MAML3: variants seen among roughly 807,000 people sequenced by gnomAD.
MAML3 encodes the protein mastermind-like protein 3.
MAML3 carries 27 observed loss-of-function variants against 101.9 expected under a neutral mutation model. The ratio of observed to expected loss-of-function variants is 0.27; its 90% CI spans 0.20 to 0.37. MAML3 has a LOEUF of 0.37. Among genes scored for constraint, MAML3 ranks in the 10% least tolerant of loss-of-function variants. The pLI is 1.00. For synonymous variants in MAML3, 501 were observed against 555.9 expected (o/e 0.90, Z 1.39); for missense variants, 1,316 against 1,444.9 (o/e 0.91, Z 1.45).
chr4:140,016,539 A>G (rs1222579019), intron 1 of MAML3, among the ~76,000 whole-genome samples: 1 of 152,252 alleles, frequency 6.6e-6, no homozygotes, highest in Non-Finnish European at 1.5e-5. Context: ...TTACTACTGT[A>G]TATAGTTATG....
At chr4:139,756,950 A>ATG (rs1729666467) in intron 2 of MAML3, among the ~76,000 whole-genome samples, 4 of 151,828 alleles carry the variant, frequency 2.6e-5, no homozygotes, top group Non-Finnish European at 5.9e-5. Flanking sequence ...TTGGAAGCGC[A>ATG]TTATCACAGC....
intron 2 of MAML3, among the ~76,000 whole-genome samples, chr4:139,782,661 G>GCAAA (rs1199789613): frequency 2.6e-5 from 4 of 151,938 alleles, no homozygotes; most frequent in African/African-American, 9.7e-5. Context: ...GTAATGAATG[G>GCAAA]CAAAGTTCAG....
At chr4:140,117,885 T>A (rs1728541073) in intron 1 of MAML3, among the ~76,000 whole-genome samples, 1 of 152,128 alleles carries the variant, frequency 6.6e-6, no homozygotes, top group South Asian at 2.1e-4. Flanking sequence ...TAGTTCAGAT[T>A]AAGAAGGAAA....
At chr4:139,988,679 T>C (rs1734604215) in intron 1 of MAML3, among the ~76,000 whole-genome samples, 1 of 152,144 alleles carries the variant, frequency 6.6e-6, no homozygotes, top group African/African-American at 2.4e-5. Flanking sequence ...AGTAGAAATA[T>C]TTGCATCTTG....
chr4:139,987,736 G>A (rs1368110698), intron 1 of MAML3, among the ~76,000 whole-genome samples: 2 of 152,100 alleles, frequency 1.3e-5, no homozygotes, highest in Non-Finnish European at 2.9e-5. Context: ...ACAGTGGACT[G>A]TGGCTGGGCC....
At chr4:139,732,865 AAATT>A (rs1417643309) in intron 2 of MAML3, among the ~76,000 whole-genome samples, 2 of 152,184 alleles carry the variant, frequency 1.3e-5, no homozygotes, top group Non-Finnish European at 2.9e-5. Context: ...GCTGTAGCTG[AAATT>A]AATAAAATGT....
In MAML3 at chr4:139,891,044, C is replaced by A. The variant is rs150228362; in HGVS notation, c.469-77G>T. ...TCTTTAAGGATTGAGATGTGCATTG[C>A]GATGAACTAACTTTTAAGTGGTTTA... is the stretch of plus-strand genomic sequence containing the variant. On this transcript the variant is annotated intron_variant, in intron 1 of 4. Transcript: ENST00000509479. The A allele has an allele frequency of 1.0e-3, 1,518 of 1,475,816 alleles. 16 individuals are homozygous for A. The African/African-American group carries it at 0.017, about 16-fold the overall frequency. 91.4% of individuals were successfully genotyped at this position (1,475,816 alleles called of 1,614,324 possible). A position where few individuals can be genotyped will look rare whatever the true frequency, so the allele number is the denominator to read the frequency against.
chr4:140,067,760 A>G (rs1727565803), intron 1 of MAML3, among the ~76,000 whole-genome samples: 1 of 131,008 alleles, frequency 7.6e-6, no homozygotes. Context: ...ATGGAGCTTC[A>G]CTCCTGTTGC....
chr4:139,905,683 G>A (rs1303503324), intron 1 of MAML3, among the ~76,000 whole-genome samples: 1 of 152,042 alleles, frequency 6.6e-6, no homozygotes, highest in Non-Finnish European at 1.5e-5. Flanking sequence ...TGCAGGGTTG[G>A]TTTCTCCTGT....
chr4:140,074,504 A>C (rs1727734357), intron 1 of MAML3, among the ~76,000 whole-genome samples: 1 of 152,190 alleles, frequency 6.6e-6, no homozygotes, highest in Non-Finnish European at 1.5e-5. Flanking sequence ...TGTGAGTGCC[A>C]ACATGATGCC....
rs535763807 is a variant in MAML3 at position 139,967,916 on chromosome 4, G to A, written c.469-76949C>T. Among the ~76,000 whole-genome samples, 21 of 150,366 alleles carry A rather than the reference G, an allele frequency of 1.4e-4. 1 individual carries two copies. In the South Asian group the frequency reaches 4.0e-3, roughly 29 times the overall value. On this transcript the variant is annotated intron_variant, in intron 1 of 4. Coordinates refer to ENST00000509479, the MANE Select transcript of MAML3 (RefSeq NM_018717.5). Reference sequence around the variant, plus strand: ...CCACATGACTTTCAAGTCACGTTAGGGCATCTGTCCTTCCTCAAGAATCTG... The same window carrying A: ...CCACATGACTTTCAAGTCACGTTAGAGCATCTGTCCTTCCTCAAGAATCTG...
At chr4:139,826,612 A>ACTAT (rs1731065048) in intron 2 of MAML3, among the ~76,000 whole-genome samples, 1 of 152,118 alleles carries the variant, frequency 6.6e-6, no homozygotes, top group African/African-American at 2.4e-5. Flanking sequence ...CCCTCAGACA[A>ACTAT]CTATCTGCAT....
intron 2 of MAML3, among the ~76,000 whole-genome samples, chr4:139,822,232 C>CACG (rs1356241599): frequency 7.4e-6 from 1 of 135,732 alleles, no homozygotes; most frequent in African/African-American, 3.0e-5. Context: ...CCATCACCAC[C>CACG]ACCACCACCA....
chr4:139,999,859 T>A (rs1734888003), intron 1 of MAML3, among the ~76,000 whole-genome samples: 1 of 152,220 alleles, frequency 6.6e-6, no homozygotes, highest in Non-Finnish European at 1.5e-5. Flanking sequence ...GTTCTGGATA[T>A]ACATTAAGAA....
chr4:139,831,192 G>A (rs1036608855), intron 2 of MAML3, among the ~76,000 whole-genome samples: 5 of 152,206 alleles, frequency 3.3e-5, no homozygotes, highest in African/African-American at 1.2e-4. Flanking sequence ...ACCAGTATCA[G>A]TATCAATTTC....
In MAML3 at chr4:140,010,954, G is replaced by C. The variant is rs1726541555; in HGVS notation, c.469-119987C>G. Among the ~76,000 whole-genome samples the C allele has an allele frequency of 5.3e-5, 8 of 151,490 alleles. 1 individual carries two copies. Among genetic ancestry groups the C allele is most frequent in the Admixed American group, 5.3e-4 (8 of 15,204 alleles). Reference sequence around the variant, plus strand: ...CCCGTCTCTATTCAAAAAGTAGCTGGGCATGGTGGCAAGTGCCTGTAATCC... The same window carrying C: ...CCCGTCTCTATTCAAAAAGTAGCTGCGCATGGTGGCAAGTGCCTGTAATCC... On this transcript the variant is annotated intron_variant, in intron 1 of 4. Coordinates refer to ENST00000509479, the MANE Select transcript of MAML3 (RefSeq NM_018717.5).
chr4:139,808,420 A>T (rs977534634), intron 2 of MAML3, among the ~76,000 whole-genome samples: 1 of 152,208 alleles, frequency 6.6e-6, no homozygotes, highest in Non-Finnish European at 1.5e-5. Context: ...TTTGATTATC[A>T]CCAGCTTTAT....
intron 1 of MAML3, among the ~76,000 whole-genome samples, chr4:140,132,311 G>A (rs997788041): frequency 3.9e-5 from 6 of 152,208 alleles, no homozygotes; most frequent in African/African-American, 7.2e-5. Context: ...GTTGACACTC[G>A]TTGCAAAGCT....
At chr4:140,104,408 A>AT (rs368174569) in intron 1 of MAML3, among the ~76,000 whole-genome samples, 101 of 54,784 alleles carry the variant, frequency 1.8e-3, no homozygotes, top group East Asian at 2.9e-3. Flanking sequence ...TATAATATAT[A>AT]ATATAATATA....
Sources: allele counts gnomAD v4.1 joint callset (sites outside exome capture counted in the v4.1 genomes callset), GRCh38; gene constraint gnomAD v4.1.1; transcripts MANE v1.5; gene names NCBI Gene and HGNC (gene_info 2026-07-23, HGNC 2026-07-21).